PTGER1: variants seen among roughly 807,000 people sequenced by gnomAD.
The protein encoded by PTGER1 is prostaglandin E2 receptor EP1 subtype.
PTGER1 carries 15 observed loss-of-function variants against 18.5 expected under a neutral mutation model. The ratio of observed to expected loss-of-function variants is 0.81; its 90% CI spans 0.54 to 1.25. The LOEUF (loss-of-function observed/expected upper bound fraction) is 1.25. PTGER1 is among the 50% of genes most tolerant of loss of function. The probability of loss-of-function intolerance (pLI) is 0.00; values close to 1 mark genes in which losing one functional copy is unlikely to be tolerated. For synonymous variants in PTGER1, 339 were observed against 308.4 expected, an observed-to-expected ratio of 1.10 and a Z score of -1.04; for missense variants, 567 against 603.4, an observed-to-expected ratio of 0.94 and a Z score of 0.63.
In PTGER1 at chr19:14,473,349, C is replaced by G; in HGVS notation, c.942+30G>C. The G allele has an allele frequency of 6.4e-7, 1 of 1,555,402 alleles. No individual in the cohort carries two copies. The highest frequency in any genetic ancestry group is 1.4e-5 in the African/African-American group (1 of 73,128). ...GGTGCCGAGAGGGAGCGGGAAGGAG[C>G]GTGGCTCGAGGGGCCGGTGCGCCCC... On this transcript the variant is annotated intron_variant, in intron 2 of 2. Coordinates refer to ENST00000292513, the MANE Select transcript of PTGER1 (RefSeq NM_000955.3). This position sits in a 1 kb window ranked among gnomAD's most constrained non-coding sequence, Gnocchi z 7.1.
Position 14,473,393 on chromosome 19 carries a change from A to T in PTGER1, c.928T>A (p.Trp310Arg). Reference sequence around the variant, plus strand: ...GCGCCCCTCACCAGCATTGGGCTCCAGCAGATGCACGACACCACCATGATA... The same window carrying T: ...GCGCCCCTCACCAGCATTGGGCTCCTGCAGATGCACGACACCACCATGATA... ...VGIMVVSCIC[W>R]SPMLVLVALA... The change falls in exon 2 of 3, where the codon TGG becomes AGG. Residue 310 changes from tryptophan to arginine, a missense_variant. Physicochemically the swap from Trp to Arg is moderately radical, Grantham distance 101 (BLOSUM62 -3). Transcript: ENST00000292513. The surrounding 1 kb of genome is among the most constrained non-coding windows in gnomAD (Gnocchi z 7.1). The T allele has an allele frequency of 6.3e-7, 1 of 1,590,838 alleles. No homozygotes were observed. The highest frequency in any genetic ancestry group is 8.5e-7 in the Non-Finnish European group (1 of 1,172,104).
rs1393956805 is a variant in PTGER1, at chr19:14,473,844, G to A, written c.477C>T (p.Ala159=). 4.8e-6 allele frequency: 6 copies of A among 1,246,372 alleles called. No homozygotes were observed. The highest frequency in any genetic ancestry group is 3.4e-5 in the East Asian group (1 of 29,340). The allele number at this position is 1,246,372 out of a possible 1,614,324, so 77.2% of individuals were successfully genotyped here. A position where few individuals can be genotyped will look rare whatever the true frequency, so the allele number is the denominator to read the frequency against. The change falls in exon 2 of 3, where the codon GCC becomes GCT. Residue 159 remains alanine (A), a synonymous_variant. Coordinates refer to ENST00000292513, the MANE Select transcript of PTGER1 (RefSeq NM_000955.3). This position sits in a 1 kb window ranked among gnomAD's most constrained non-coding sequence, Gnocchi z 7.1. ...VSVARARLAL[A]AVAAVALAVA... is the part of the protein sequence containing the mutation. ...CGGCCAAGGCCACCGCGGCCACCGC[G>A]GCCAGCGCCAGGCGCGCGCGGGCGA...
chr19:14,474,063 C>T lies in PTGER1; in HGVS notation c.258G>A (p.Ala86=). 2 of 1,495,072 alleles carry T rather than the reference C, an allele frequency of 1.3e-6. No homozygotes were observed. Among genetic ancestry groups the T allele is most frequent in the African/African-American group, 1.5e-5 (1 of 68,710 alleles). The allele number at this position is 1,495,072 out of a possible 1,614,324, so 92.6% of individuals were successfully genotyped here. A position where few individuals can be genotyped will look rare whatever the true frequency, so the allele number is the denominator to read the frequency against. Residue 86 remains alanine (A), a synonymous_variant, in exon 2 of 3, where the codon GCG becomes GCA. Transcript: ENST00000292513. The surrounding 1 kb of genome is among the most constrained non-coding windows in gnomAD (Gnocchi z 5.4). ...FVASLLATDL[A]GHVIPGALVL... ...CCAGCGCGCCCGGGATCACGTGGCC[C>T]GCCAGGTCGGTGGCCAGCAGGCTGG...
Position 14,473,786 on chromosome 19 carries a change from A to T in PTGER1, c.535T>A (p.Tyr179Asn). 7.0e-7 allele frequency: 1 copy of T among 1,431,982 alleles called. No individual in the cohort carries two copies. Among genetic ancestry groups the T allele is most frequent in the African/African-American group, 1.5e-5 (1 of 67,330 alleles). 88.7% of individuals were successfully genotyped at this position (1,431,982 alleles called of 1,614,324 possible). The change falls in exon 2 of 3, where the codon TAT (tyrosine) becomes AAT (asparagine). Residue 179 changes from tyrosine to asparagine, a missense_variant. By Grantham distance (143) the Tyr-to-Asn change is moderately radical. Coordinates refer to ENST00000292513, the MANE Select transcript of PTGER1 (RefSeq NM_000955.3). The surrounding 1 kb of genome is among the most constrained non-coding windows in gnomAD (Gnocchi z 7.1). ...ALLPLARVGR[Y>N]ELQYPGTWCF... ...CACGTGCCCGGGTACTGCAGCTCAT[A>T]GCGGCCCACGCGCGCCAGCGGCAGC...
At position 14,473,291 on chromosome 19, in the gene PTGER1, C is replaced by T. The variant is rs2071582923; in HGVS notation, c.942+88G>A. The T allele has an allele frequency of 5.3e-6, 8 of 1,519,628 alleles. No individual in the cohort carries two copies. Among genetic ancestry groups the T allele is most frequent in the Non-Finnish European group, 6.1e-6 (7 of 1,139,082 alleles). 94.1% of individuals were successfully genotyped at this position (1,519,628 alleles called of 1,614,324 possible). On this transcript the variant is annotated intron_variant, in intron 2 of 2. Coordinates refer to ENST00000292513, the MANE Select transcript of PTGER1 (RefSeq NM_000955.3). The surrounding 1 kb of genome is among the most constrained non-coding windows in gnomAD (Gnocchi z 7.1). ...GCCTTGGTTGAGTCCAGGATGGAGG[C>T]CCCAGGTGTCCTGGGACGACAAAGG...
rs2071594714 is a variant in PTGER1 at position 14,474,229 on chromosome 19, G to T, written c.92C>A (p.Pro31Gln). Residue 31 changes from proline (P) to glutamine (Q), a missense_variant, in exon 2 of 3, where the codon CCG becomes CAG. Pro to Gln is a moderately conservative substitution (Grantham distance 76). Transcript: ENST00000292513. The surrounding 1 kb of genome is among the most constrained non-coding windows in gnomAD (Gnocchi z 5.4). ...GGGCAGCGCGGGCGAAGCGCCCGAC[G>T]GCGGCACGGCCGACGTGTTGGGGAC... ...PWVPNTSAVP[P>Q]SGASPALPIF... is the part of the protein sequence containing the mutation. The T allele has an allele frequency of 1.3e-6, 2 of 1,527,122 alleles. No homozygotes were observed. Among genetic ancestry groups the T allele is most frequent in the Non-Finnish European group, 1.7e-6 (2 of 1,142,956 alleles). The allele number at this position is 1,527,122 out of a possible 1,614,324, so 94.6% of individuals were successfully genotyped here.
intron 2 of PTGER1, 37 bp from the exon 3 acceptor site, chr19:14,472,863 C>CGGGCGCAGGG: frequency 5.3e-6 from 8 of 1,518,334 alleles, no homozygotes; most frequent in South Asian, 3.7e-5. Flanking sequence ...AGAGCAGGCG[C>CGGGCGCAGGG]GGGCGCAGGG....
Position 14,472,599 on chromosome 19 carries a change from C to T in PTGER1, c.1170G>A (p.Ser390=). ...GGCCGCTGTGCCGGGAGCTGCGCAG[C>T]GAGCTGGCCTCCCAGGCGCTCGGTG... ...GLTPSAWEAS[S]LRSSRHSGLS... The change falls in exon 3 of 3, where the codon TCG becomes TCA. Residue 390 remains serine, a synonymous_variant. Coordinates refer to ENST00000292513, the MANE Select transcript of PTGER1 (RefSeq NM_000955.3). The T allele has an allele frequency of 3.1e-6, 5 of 1,598,076 alleles. No individual in the cohort carries two copies. Among genetic ancestry groups the T allele is most frequent in the South Asian group, 1.1e-5 (1 of 90,182 alleles).
rs753932730 is a variant in PTGER1, at chr19:14,473,613, G to T, written c.708C>A (p.Arg236=). ...GLALLRARWR[R]RSRRPPPASG... Reference sequence around the variant, plus strand: ...AGGCCGGGGGAGGCCGTCGGGAGCGGCGTCGCCAGCGGGCGCGTAGCAGGG... The same window carrying T: ...AGGCCGGGGGAGGCCGTCGGGAGCGTCGTCGCCAGCGGGCGCGTAGCAGGG... The change falls in exon 2 of 3, where the codon CGC becomes CGA. Residue 236 remains arginine, a synonymous_variant. Coordinates refer to ENST00000292513, the MANE Select transcript of PTGER1 (RefSeq NM_000955.3). This position sits in a 1 kb window ranked among gnomAD's most constrained non-coding sequence, Gnocchi z 7.1. The T allele has an allele frequency of 1.1e-5, 16 of 1,462,652 alleles. 1 individual carries two copies. The highest frequency in any genetic ancestry group is 8.9e-7 in the Non-Finnish European group (1 of 1,118,048). 90.6% of individuals were successfully genotyped at this position (1,462,652 alleles called of 1,614,324 possible).
In PTGER1 at chr19:14,474,389, C is replaced by G; in HGVS notation, c.-17-52G>C. 1 of 1,421,108 alleles carries G rather than the reference C, an allele frequency of 7.0e-7. No homozygotes were observed. Among genetic ancestry groups the G allele is most frequent in the African/African-American group, 1.5e-5 (1 of 66,054 alleles). 88.0% of individuals were successfully genotyped at this position (1,421,108 alleles called of 1,614,324 possible). A position where few individuals can be genotyped will look rare whatever the true frequency, so the allele number is the denominator to read the frequency against. On this transcript the variant is annotated intron_variant, in intron 1 of 2. Transcript: ENST00000292513. This position sits in a 1 kb window ranked among gnomAD's most constrained non-coding sequence, Gnocchi z 5.4. Reference sequence around the variant, plus strand: ...GAGGCTGGCTGGGCCCGGGCGGGGACCAGCCCACGGTGCCATCTCAGAACA... The same window carrying G: ...GAGGCTGGCTGGGCCCGGGCGGGGAGCAGCCCACGGTGCCATCTCAGAACA...
At chr19:14,472,967 A>C (rs2146449096) in intron 2 of PTGER1, 141 bp from the exon 3 acceptor site, 22 of 808,924 alleles carry the variant, frequency 2.7e-5, no homozygotes, top group Non-Finnish European at 3.0e-5. Context: ...CCAGATGAGA[A>C]ACGGATGCGG....
Position 14,473,310 on chromosome 19 carries a change from A to G in PTGER1, c.942+69T>C. 1 of 1,533,152 alleles carries G rather than the reference A, an allele frequency of 6.5e-7. No individual in the cohort carries two copies. The highest frequency in any genetic ancestry group is 8.7e-7 in the Non-Finnish European group (1 of 1,144,734). 95.0% of individuals were successfully genotyped at this position (1,533,152 alleles called of 1,614,324 possible). A position where few individuals can be genotyped will look rare whatever the true frequency, so the allele number is the denominator to read the frequency against. On this transcript the variant is annotated intron_variant, in intron 2 of 2. Coordinates refer to ENST00000292513, the MANE Select transcript of PTGER1 (RefSeq NM_000955.3). The surrounding 1 kb of genome is among the most constrained non-coding windows in gnomAD (Gnocchi z 7.1). ...TGGAGGCCCCAGGTGTCCTGGGACG[A>G]CAAAGGGCGGGAGGGTGCCGAGAGG...
chr19:14,474,026 A>C lies in PTGER1; in HGVS notation c.295T>G (p.Tyr99Asp). The C allele has an allele frequency of 6.7e-7, 1 of 1,499,672 alleles. No homozygotes were observed. Among genetic ancestry groups the C allele is most frequent in the East Asian group, 2.8e-5 (1 of 36,266 alleles). 92.9% of individuals were successfully genotyped at this position (1,499,672 alleles called of 1,614,324 possible). A position where few individuals can be genotyped will look rare whatever the true frequency, so the allele number is the denominator to read the frequency against. ...CCGGCCGGAGCGCGCCCCGCAGTGT[A>C]CAGACGCAGCACCAGCGCGCCCGGG... The part of the protein sequence containing the change: ...VIPGALVLRL[Y>D]TAGRAPAGGA... The change falls in exon 2 of 3, where the codon TAC becomes GAC. Residue 99 changes from tyrosine (Y) to aspartate (D), a missense_variant. By Grantham distance (160) the Tyr-to-Asp change is radical. Coordinates refer to ENST00000292513, the MANE Select transcript of PTGER1 (RefSeq NM_000955.3). The surrounding 1 kb of genome is among the most constrained non-coding windows in gnomAD (Gnocchi z 5.4).
Position 14,473,995 on chromosome 19 carries a change from G to C in PTGER1, c.326C>G (p.Ala109Gly). 1 of 1,500,002 alleles carries C rather than the reference G, an allele frequency of 6.7e-7. No individual in the cohort carries two copies. Among genetic ancestry groups the C allele is most frequent in the Non-Finnish European group, 8.9e-7 (1 of 1,129,228 alleles). The allele number at this position is 1,500,002 out of a possible 1,614,324, so 92.9% of individuals were successfully genotyped here. ...YTAGRAPAGG[A>G]CHFLGGCMVF... Reference sequence around the variant, plus strand: ...CATGCAGCCGCCCAGGAAGTGGCAGGCCCCGCCGGCCGGAGCGCGCCCCGC... The same window carrying C: ...CATGCAGCCGCCCAGGAAGTGGCAGCCCCCGCCGGCCGGAGCGCGCCCCGC... Residue 109 changes from alanine (A) to glycine (G), a missense_variant, in exon 2 of 3, where the codon GCC becomes GGC. Coordinates refer to ENST00000292513, the MANE Select transcript of PTGER1 (RefSeq NM_000955.3). This position sits in a 1 kb window ranked among gnomAD's most constrained non-coding sequence, Gnocchi z 7.1.
rs1422722584 is a variant in PTGER1, at chr19:14,473,437, A to G, written c.884T>C (p.Met295Thr). 1.9e-6 allele frequency: 3 copies of G among 1,598,062 alleles called. No individual in the cohort carries two copies. Among genetic ancestry groups the G allele is most frequent in the East Asian group, 2.3e-5 (1 of 43,950 alleles). ...ARRARAHDVE[M>T]VGQLVGIMVV... is the part of the protein sequence containing the mutation. ...CATGATACCGACAAGCTGGCCCACC[A>G]TCTCCACGTCGTGGGCGCGAGCTCT... Residue 295 changes from methionine (M) to threonine (T), a missense_variant, in exon 2 of 3, where the codon ATG (methionine) becomes ACG (threonine). Met to Thr is a moderately conservative substitution (Grantham distance 81, BLOSUM62 -1). Transcript: ENST00000292513. The surrounding 1 kb of genome is among the most constrained non-coding windows in gnomAD (Gnocchi z 7.1).
rs1171148445 is a variant in PTGER1 at position 14,473,296 on chromosome 19, G to A, written c.942+83C>T. 3 of 1,525,050 alleles carry A rather than the reference G, an allele frequency of 2.0e-6. No individual in the cohort carries two copies. Among genetic ancestry groups the A allele is most frequent in the Admixed American group, 2.0e-5 (1 of 49,850 alleles). 94.5% of individuals were successfully genotyped at this position (1,525,050 alleles called of 1,614,324 possible). On this transcript the variant is annotated intron_variant, in intron 2 of 2. Coordinates refer to ENST00000292513, the MANE Select transcript of PTGER1 (RefSeq NM_000955.3). The surrounding 1 kb of genome is among the most constrained non-coding windows in gnomAD (Gnocchi z 7.1). ...GGTTGAGTCCAGGATGGAGGCCCCA[G>A]GTGTCCTGGGACGACAAAGGGCGGG...
chr19:14,473,700 G>A lies in PTGER1; in HGVS notation c.621C>T (p.Phe207=), dbSNP rs1291549875. 2.6e-5 allele frequency: 38 copies of A among 1,475,342 alleles called. No individual in the cohort carries two copies. Among genetic ancestry groups the A allele is most frequent in the Non-Finnish European group, 3.2e-5 (36 of 1,119,660 alleles). The allele number at this position is 1,475,342 out of a possible 1,614,324, so 91.4% of individuals were successfully genotyped here. ...GGAGCGCGACCAGGCCGAGGCTGGC[G>A]AAGAGGCCAGCAAGCAGTGCCTGGC... The part of the protein sequence containing the change: ...GWRQALLAGL[F]ASLGLVALLA... Residue 207 remains phenylalanine, a synonymous_variant, in exon 2 of 3, where the codon TTC becomes TTT. Transcript: ENST00000292513. The surrounding 1 kb of genome is among the most constrained non-coding windows in gnomAD (Gnocchi z 7.1).
chr19:14,472,578 G>T lies in PTGER1; in HGVS notation c.1191C>A (p.Ser397Arg). The change falls in exon 3 of 3, where the codon AGC becomes AGA. Residue 397 changes from serine to arginine, a missense_variant. By Grantham distance (110) the Ser-to-Arg change is moderately radical (BLOSUM62 -1). Coordinates refer to ENST00000292513, the MANE Select transcript of PTGER1 (RefSeq NM_000955.3). The part of the protein sequence containing the change: ...EASSLRSSRH[S>R]GLSHF ...GTTGTGCTTAGAAGTGGCTGAGGCCGCTGTGCCGGGAGCTGCGCAGCGAGC... is the reference window on the plus strand; with the variant it reads ...GTTGTGCTTAGAAGTGGCTGAGGCCTCTGTGCCGGGAGCTGCGCAGCGAGC... 1 of 1,585,966 alleles carries T rather than the reference G, an allele frequency of 6.3e-7. No homozygotes were observed. Among genetic ancestry groups the T allele is most frequent in the South Asian group, 1.1e-5 (1 of 88,540 alleles).
chr19:14,473,801 C>G lies in PTGER1; in HGVS notation c.520G>C (p.Ala174Pro). The change falls in exon 2 of 3, where the codon GCG becomes CCG. Residue 174 changes from alanine (A) to proline (P), a missense_variant. Transcript: ENST00000292513. The surrounding 1 kb of genome is among the most constrained non-coding windows in gnomAD (Gnocchi z 7.1). ...VALAVALLPL[A>P]RVGRYELQYP... ...TGCAGCTCATAGCGGCCCACGCGCG[C>G]CAGCGGCAGCAGCGCCACGGCCAAG... 7.1e-7 allele frequency: 1 copy of G among 1,409,652 alleles called. No homozygotes were observed. Among genetic ancestry groups the G allele is most frequent in the Non-Finnish European group, 9.2e-7 (1 of 1,081,570 alleles). The allele number at this position is 1,409,652 out of a possible 1,614,324, so 87.3% of individuals were successfully genotyped here. A position where few individuals can be genotyped will look rare whatever the true frequency, so the allele number is the denominator to read the frequency against.
Sources: gnomAD v4.1 joint callset for allele counts on GRCh38, gnomAD v4.1.1 for gene constraint, Gnocchi (gnomAD v3.1) non-coding constraint, MANE v1.5 for transcripts, NCBI Gene and HGNC (gene_info 2026-07-23, HGNC 2026-07-21) for gene names.